Variants in CRLF2 observed in about 807,000 individuals in gnomAD.
CRLF2 encodes the protein cytokine receptor like factor 2.
CRLF2 carries 41 observed loss-of-function variants against 38.7 expected under a neutral mutation model. The observed-to-expected ratio is 1.06, with a 90% CI of 0.83 to 1.37. The LOEUF is 1.37. Among genes scored for constraint, CRLF2 ranks in the 40% most tolerant of loss-of-function variants. The pLI, the probability that CRLF2 is intolerant of heterozygous loss-of-function variation, is 0.00. For missense variants in CRLF2, 377 were observed against 322.2 expected, an observed-to-expected ratio of 1.17 and a Z score of -1.30; for synonymous variants, 140 against 128.8, an observed-to-expected ratio of 1.09 and a Z score of -0.59.
rs1480839877 is a variant in CRLF2 at position 1,191,074 on chromosome X, T to C, written c.939A>G (p.Val313=). 144,292 of 398,152 alleles carry C rather than the reference T, an allele frequency of 0.36. 26,289 individuals carry two copies. The highest frequency in any genetic ancestry group is 0.38 in the East Asian group (10,578 of 28,014). The allele number at this position is 398,152 out of a possible 1,614,324, so 24.7% of individuals were successfully genotyped here. A position where few individuals can be genotyped will look rare whatever the true frequency, so the allele number is the denominator to read the frequency against. Residue 313 remains valine, a synonymous_variant, in exon 8 of 8, where the codon GTA becomes GTG. Coordinates refer to ENST00000400841, the MANE Select transcript of CRLF2 (RefSeq NM_022148.4). ...EQESGPEEPL[V]VQLAKTEAES... ...CGGCTTCAGTCTTGGCCAACTGGACTACCAGGGGCTCCTCGGGGCCACTTT... is the reference window on the plus strand; with the variant it reads ...CGGCTTCAGTCTTGGCCAACTGGACCACCAGGGGCTCCTCGGGGCCACTTT...
At chrX:1,210,474 C>A (rs1157142737) in intron 1 of CRLF2, among the ~76,000 whole-genome samples, 2 of 152,070 alleles carry the variant, frequency 1.3e-5, no homozygotes, top group Non-Finnish European at 2.9e-5. Flanking sequence ...CCACCATGCC[C>A]GGCTGATTTT....
intron 6 of CRLF2, among the ~76,000 whole-genome samples, chrX:1,194,161 C>T (rs2086440867): frequency 1.3e-5 from 2 of 150,372 alleles, no homozygotes; most frequent in Non-Finnish European, 1.5e-5. Context: ...GTGGTGGCGT[C>T]TGCGTGTAGT....
chrX:1,196,408 G>C (rs1310996204), intron 6 of CRLF2, among the ~76,000 whole-genome samples: 4 of 151,784 alleles, frequency 2.6e-5, no homozygotes, highest in Non-Finnish European at 5.9e-5. Context: ...GGATGGTCTC[G>C]ATCTCTTGAC....
At chrX:1,200,518 T>TAC (rs772517897) in intron 4 of CRLF2, among the ~76,000 whole-genome samples, 11 of 151,602 alleles carry the variant, frequency 7.3e-5, no homozygotes, top group Admixed American at 4.0e-4. Flanking sequence ...TACATATATA[T>TAC]ACGTGTATAT....
chrX:1,206,654 T>A lies in CRLF2; in HGVS notation c.183-55A>T, dbSNP rs746853587. ...ACAAAACAAAAAAGCATGTCTTATT[T>A]ATTTAGAGATGGGGTCTTGCTCTTG... On this transcript the variant is annotated intron_variant, in intron 2 of 7. Coordinates refer to ENST00000400841, the MANE Select transcript of CRLF2 (RefSeq NM_022148.4). 25 of 1,545,638 alleles carry A rather than the reference T, an allele frequency of 1.6e-5. No homozygotes were observed. In the Admixed American group the frequency reaches 2.2e-4, roughly 14 times the overall value.
intron 3 of CRLF2, among the ~76,000 whole-genome samples, chrX:1,204,240 T>G (rs2147845158): frequency 6.6e-6 from 1 of 151,128 alleles, no homozygotes; most frequent in South Asian, 2.1e-4. Context: ...ATGAATTTAT[T>G]TATTTGAGAT....
At chrX:1,200,748 G>T (rs1276741552) in intron 4 of CRLF2, among the ~76,000 whole-genome samples, 2 of 39,394 alleles carry the variant, frequency 5.1e-5, no homozygotes, top group African/African-American at 1.5e-4. Context: ...CATAGATAAG[G>T]TATGTATATA....
Position 1,202,494 on chromosome X carries a change from G to C in CRLF2, c.391C>G (p.Gln131Glu), listed in dbSNP as rs753516873. The change falls in exon 4 of 8, where the codon CAG (glutamine) becomes GAG (glutamate). Residue 131 changes from glutamine to glutamate, a missense_variant. By Grantham distance (29) the Gln-to-Glu change is conservative. Transcript: ENST00000400841. ...GAACACGTCACCGTCACTGCATCCT[G>C]ATGCCACGAAAATCTCACGTGCTTC... ...SPKHVRFSWH[Q>E]DAVTVTCSDL... 1 of 1,613,718 alleles carries C rather than the reference G, an allele frequency of 6.2e-7. No individual in the cohort carries two copies. The highest frequency in any genetic ancestry group is 8.5e-7 in the Non-Finnish European group (1 of 1,179,692).
intron 3 of CRLF2, among the ~76,000 whole-genome samples, chrX:1,202,970 C>A (rs188123579): frequency 4.6e-4 from 70 of 151,788 alleles, no homozygotes; most frequent in African/African-American, 1.6e-3. Context: ...TGGTGGCCAG[C>A]GCTTGTAATC....
intron 7 of CRLF2, 59 bp downstream of exon 7, chrX:1,193,159 C>G (rs1177941303): frequency 7.5e-6 from 3 of 398,064 alleles, no homozygotes; most frequent in African/African-American, 6.2e-5. Flanking sequence ...GATAGGAATG[C>G]AGGCAGAGGG....
chrX:1,198,215 C>T (rs866056309), intron 5 of CRLF2, among the ~76,000 whole-genome samples: 16 of 21,212 alleles, frequency 7.5e-4, no homozygotes, highest in South Asian at 2.0e-3. Flanking sequence ...CCTCCCACCT[C>T]GAAGGCAGGA....
chrX:1,191,946 C>G, intron 7 of CRLF2, among the ~76,000 whole-genome samples: 1 of 151,748 alleles, frequency 6.6e-6, no homozygotes. Context: ...TGGCTTACAC[C>G]TGTAATCCCA....
At chrX:1,203,918 T>TA (rs1395663738) in intron 3 of CRLF2, among the ~76,000 whole-genome samples, 2 of 151,736 alleles carry the variant, frequency 1.3e-5, no homozygotes, top group Admixed American at 1.3e-4. Flanking sequence ...CTCTAAAAAA[T>TA]AAAAAAGTAA....
intron 3 of CRLF2, among the ~76,000 whole-genome samples, chrX:1,205,590 T>C (rs1477858685): frequency 6.6e-6 from 1 of 152,136 alleles, no homozygotes; most frequent in Non-Finnish European, 1.5e-5. Context: ...AGCTTGCTTT[T>C]CAATAGTTAC....
chrX:1,202,167 T>TAGAC lies in CRLF2; in HGVS notation c.483+231_483+234dup, dbSNP rs368037067. The stretch of plus-strand genomic sequence containing the variant: ...ATAGATAGATAGATAAATAGATTGA[T>TAGAC]AGACAGACAGACAGACATATTATTG... On this transcript the variant is annotated intron_variant, in intron 4 of 7. Transcript: ENST00000400841. 1.2e-3 allele frequency among the ~76,000 whole-genome samples: 175 copies of TAGAC among 152,118 alleles called. No homozygotes were observed. In the Middle Eastern group the frequency reaches 0.014, roughly 12 times the overall value.
At chrX:1,194,932 T>G (rs2086451498) in intron 6 of CRLF2, among the ~76,000 whole-genome samples, 1 of 152,106 alleles carries the variant, frequency 6.6e-6, no homozygotes, top group Non-Finnish European at 1.5e-5. Context: ...CTCGGGAGGC[T>G]GAGGCAGGAG....
Position 1,198,487 on chromosome X carries a change from C to T in CRLF2, c.646+75G>A, listed in dbSNP as rs1338293573. On this transcript the variant is annotated intron_variant, in intron 5 of 7. Transcript: ENST00000400841. ...AGGCAGGACACCCTCCCTCCCACCTCCCGGGAAGGCAGTGGCTATGCCTAC... is the reference window on the plus strand; with the variant it reads ...AGGCAGGACACCCTCCCTCCCACCTTCCGGGAAGGCAGTGGCTATGCCTAC... 37 of 1,517,768 alleles carry T rather than the reference C, an allele frequency of 2.4e-5. No homozygotes were observed. The African/African-American group carries it at 4.0e-4, about 16-fold the overall frequency. 94.0% of individuals were successfully genotyped at this position (1,517,768 alleles called of 1,614,324 possible). A position where few individuals can be genotyped will look rare whatever the true frequency, so the allele number is the denominator to read the frequency against.
In CRLF2 at chrX:1,210,496, C is replaced by G. The variant is rs553605262; in HGVS notation, c.80-1588G>C. 2.2e-3 allele frequency among the ~76,000 whole-genome samples: 340 copies of G among 152,022 alleles called. 1 individual carries two copies. The highest frequency in any genetic ancestry group is 6.8e-3 in the Middle Eastern group (2 of 294). On this transcript the variant is annotated intron_variant, in intron 1 of 7. Coordinates refer to ENST00000400841, the MANE Select transcript of CRLF2 (RefSeq NM_022148.4). ...GCCCGGCTGATTTTTTGTATTAGTA[C>G]AGACGGGGTTTCACCGTGTTAGCCA...
rs2086414037 is a variant in CRLF2, at chrX:1,192,748, CTTT to C, written c.852+467_852+469del. On this transcript the variant is annotated intron_variant, in intron 7 of 7. Transcript: ENST00000400841. ...TCTTTCTTTCTTTCTTTCTTTCTTTCTTTCTTTCTTTCTTTCTTTCCTTCCTTC... is the reference window on the plus strand; with the variant it reads ...TCTTTCTTTCTTTCTTTCTTTCTTTCCTTTCTTTCTTTCTTTCCTTCCTTC... Among the ~76,000 whole-genome samples the C allele has an allele frequency of 4.7e-3, 564 of 119,012 alleles. 7 individuals carry two copies. Among genetic ancestry groups the C allele is most frequent in the African/African-American group, 9.8e-3 (311 of 31,618 alleles). 78.1% of individuals were successfully genotyped at this position (119,012 alleles called of 152,430 possible).
Sources: allele counts gnomAD v4.1 joint callset (sites outside exome capture counted in the v4.1 genomes callset), GRCh38; gene constraint gnomAD v4.1.1; transcripts MANE v1.5; gene names NCBI Gene and HGNC (gene_info 2026-07-23, HGNC 2026-07-21).